The following CEP162 variants were observed in gnomAD, a reference collection of about 807,000 sequenced individuals.
CEP162 encodes the protein centrosomal protein of 162 kDa.
A neutral mutation model predicts 169.2 loss-of-function variants in CEP162; 141 were observed. The ratio of observed to expected loss-of-function variants is 0.83; its 90% CI spans 0.73 to 0.96. CEP162 has a LOEUF of 0.96. CEP162 is among the 40% of genes least tolerant of loss of function. CEP162 has a pLI of 0.00. For missense variants in CEP162, 1,600 were observed against 1,587.2 expected (o/e 1.01, Z -0.14); for synonymous variants, 540 against 526.4 (o/e 1.03, Z -0.35).
chr6:84,214,074 C>T (rs1030120590), intron 5 of CEP162, among the ~76,000 whole-genome samples: 5 of 152,060 alleles, frequency 3.3e-5, no homozygotes, highest in South Asian at 2.1e-4. Flanking sequence ...GTCAGGAGAT[C>T]GAGACCATCC....
rs776114810 is a variant in CEP162, at chr6:84,161,901, A to G, written c.2521T>C (p.Leu841=). Residue 841 remains leucine, a synonymous_variant, in exon 20 of 27, where the codon TTA becomes CTA. Coordinates refer to ENST00000403245, the MANE Select transcript of CEP162 (RefSeq NM_014895.4). ...TCTTCTAAAATTTTTATTTCATATA[A>G]TTTCTCACCTATAAGATACAGTAAC... ...DQIAYVTGEK[L]YEIKILEETH... 1 of 1,518,792 alleles carries G rather than the reference A, an allele frequency of 6.6e-7. No individual in the cohort carries two copies. The highest frequency in any genetic ancestry group is 1.2e-5 in the South Asian group (1 of 83,200). The allele number at this position is 1,518,792 out of a possible 1,614,324, so 94.1% of individuals were successfully genotyped here.
At chr6:84,161,608 TA>T in intron 20 of CEP162, 137 bp downstream of exon 20, 1 of 705,782 alleles carries the variant, frequency 1.4e-6, no homozygotes, top group South Asian at 1.9e-5. Context: ...ACTATATATC[TA>T]AAAGCAAACC....
rs1562019936 is a variant in CEP162, at chr6:84,154,324, CTATCT to C, written c.2994+969_2994+973del. On this transcript the variant is annotated intron_variant, in intron 22 of 26. Transcript: ENST00000403245. ...CATGTTATCAGGGATATCTATCTAT[CTATCT>C]ATCTGTCTGTCTGTCTGTCTGTCTG... Among the ~76,000 whole-genome samples, 1,114 of 137,568 alleles carry C rather than the reference CTATCT, an allele frequency of 8.1e-3. 18 individuals carry two copies. The highest frequency in any genetic ancestry group is 0.036 in the African/African-American group (1,052 of 29,450). 90.2% of individuals were successfully genotyped at this position (137,568 alleles called of 152,430 possible).
Position 84,215,917 on chromosome 6 carries a change from G to T in CEP162, c.178C>A (p.Leu60Ile). 6.4e-7 allele frequency: 1 copy of T among 1,562,742 alleles called. No individual in the cohort carries two copies. Among genetic ancestry groups the T allele is most frequent in the East Asian group, 2.3e-5 (1 of 43,288 alleles). The change falls in exon 4 of 27, where the codon CTT becomes ATT. Residue 60 changes from leucine to isoleucine, a missense_variant. Transcript: ENST00000403245. Reference protein sequence around the residue: ...TEDDFKDDGLLGTNVSYLKTK... With the variant: ...TEDDFKDDGLIGTNVSYLKTK... ...TTCAAATAGCTCACATTTGTTCCAA[G>T]AAGTCCTAGGTACACAATTTAATAC... is the stretch of plus-strand genomic sequence containing the variant.
At chr6:84,196,963 G>A (rs539401799) in intron 9 of CEP162, among the ~76,000 whole-genome samples, 97 of 152,248 alleles carry the variant, frequency 6.4e-4, no homozygotes, top group African/African-American at 2.2e-3. Flanking sequence ...GAGGACATGA[G>A]GAAAAAGGTC....
chr6:84,201,598 T>C (rs2099544544), intron 8 of CEP162, 139 bp downstream of exon 8: 1 of 574,704 alleles, frequency 1.7e-6, no homozygotes, highest in African/African-American at 2.0e-5. Context: ...AAACACATTA[T>C]TGAGAAAAGC....
At chr6:84,161,667 G>T in intron 20 of CEP162, 79 bp downstream of exon 20, 6 of 1,028,698 alleles carry the variant, frequency 5.8e-6, no homozygotes, top group African/African-American at 1.6e-5. Context: ...ATGATGCAAT[G>T]ACAAAAGGTT....
At chr6:84,158,045 C>T (rs939379681) in intron 21 of CEP162, among the ~76,000 whole-genome samples, 1 of 152,130 alleles carries the variant, frequency 6.6e-6, no homozygotes, top group East Asian at 1.9e-4. Flanking sequence ...AAGAAACACA[C>T]CAGGGTCCAC....
intron 10 of CEP162, among the ~76,000 whole-genome samples, chr6:84,194,660 C>T (rs1438716167): frequency 6.6e-6 from 1 of 151,816 alleles, no homozygotes; most frequent in East Asian, 1.9e-4. Context: ...CACCATGTTG[C>T]CCAGGATGGT....
rs574956888 is a variant in CEP162 at position 84,124,359 on chromosome 6, A to G, written c.*711T>C. On this transcript the variant is annotated 3_prime_UTR_variant, in exon 27 of 27. Coordinates refer to ENST00000403245, the MANE Select transcript of CEP162 (RefSeq NM_014895.4). The stretch of plus-strand genomic sequence containing the variant: ...GATAAAGAAAACGTGAGATATATAT[A>G]GAGAGAGATATATAAATGGAGTATT... 3.3e-4 allele frequency: 50 copies of G among 152,370 alleles called. No homozygotes were observed. Among genetic ancestry groups the G allele is most frequent in the African/African-American group, 1.2e-3 (48 of 41,578 alleles). 9.4% of individuals were successfully genotyped at this position (152,370 alleles called of 1,614,324 possible). A position where few individuals can be genotyped will look rare whatever the true frequency, so the allele number is the denominator to read the frequency against.
chr6:84,137,457 G>C (rs2099514657), intron 25 of CEP162, among the ~76,000 whole-genome samples: 1 of 152,022 alleles, frequency 6.6e-6, no homozygotes, highest in Non-Finnish European at 1.5e-5. Flanking sequence ...ATTCTTATGA[G>C]TGGGCCACAA....
chr6:84,179,974 A>C (rs919652790), intron 13 of CEP162, among the ~76,000 whole-genome samples: 1 of 152,158 alleles, frequency 6.6e-6, no homozygotes, highest in Non-Finnish European at 1.5e-5. Context: ...AAAAGAGGGA[A>C]TCTTCCCTAA....
intron 25 of CEP162, among the ~76,000 whole-genome samples, chr6:84,133,806 C>A (rs897091920): frequency 6.6e-6 from 1 of 152,156 alleles, no homozygotes; most frequent in Non-Finnish European, 1.5e-5. Flanking sequence ...AGACCCCTTG[C>A]GCTTCCTGGG....
intron 6 of CEP162, among the ~76,000 whole-genome samples, chr6:84,207,178 G>GAA (rs2127740184): frequency 6.6e-6 from 1 of 152,284 alleles, no homozygotes; most frequent in East Asian, 1.9e-4. Context: ...CAAGGATCTA[G>GAA]AACTAGAAAT....
rs1473964402 is a variant in CEP162, at chr6:84,163,164, T to C, written c.2492A>G (p.Asp831Gly). Residue 831 changes from aspartate (D) to glycine (G), a missense_variant, in exon 19 of 27, where the codon GAT becomes GGT. By Grantham distance (94) the Asp-to-Gly change is moderately conservative (BLOSUM62 -1). Transcript: ENST00000403245. ...KMKKERDQAK[D>G]QIAYVTGEKL... ...TTTACCTGTGACATAAGCAATCTGA[T>C]CTTTGGCTTGGTCCCTCTCTTTCTT... 4 of 1,613,346 alleles carry C rather than the reference T, an allele frequency of 2.5e-6. No individual in the cohort carries two copies. In the African/African-American group the frequency reaches 4.0e-5, roughly 16 times the overall value.
At chr6:84,202,579 G>A (rs1189106738) in intron 7 of CEP162, among the ~76,000 whole-genome samples, 1 of 130,536 alleles carries the variant, frequency 7.7e-6, no homozygotes, top group Non-Finnish European at 1.5e-5. Context: ...CCAGGCTGGA[G>A]TGCAGTGGCT....
rs574089205 is a variant in CEP162 at position 84,148,973 on chromosome 6, A to G, written c.3771+589T>C. 5.9e-5 allele frequency among the ~76,000 whole-genome samples: 9 copies of G among 152,202 alleles called. No homozygotes were observed. The South Asian group carries it at 1.9e-3, about 32-fold the overall frequency. On this transcript the variant is annotated intron_variant, in intron 24 of 26. Coordinates refer to ENST00000403245, the MANE Select transcript of CEP162 (RefSeq NM_014895.4). Reference sequence around the variant, plus strand: ...ATAGATATTCTAAGTAGATATACCTATTTTTCAAAAAGGAAGACACATTTA... The same window carrying G: ...ATAGATATTCTAAGTAGATATACCTGTTTTTCAAAAAGGAAGACACATTTA...
At chr6:84,176,780 G>A (rs979571651) in intron 13 of CEP162, among the ~76,000 whole-genome samples, 2 of 151,988 alleles carry the variant, frequency 1.3e-5, no homozygotes, top group African/African-American at 2.4e-5. Flanking sequence ...CCTATCACAT[G>A]TTCTTGTTCA....
chr6:84,205,541 A>G (rs1281012308), intron 6 of CEP162, among the ~76,000 whole-genome samples: 1 of 152,226 alleles, frequency 6.6e-6, no homozygotes, highest in East Asian at 1.9e-4. Flanking sequence ...AAAAACTCTT[A>G]ATAAACTAGG....
Sources: allele counts gnomAD v4.1 joint callset (sites outside exome capture counted in the v4.1 genomes callset), GRCh38; gene constraint gnomAD v4.1.1; transcripts MANE v1.5; gene names NCBI Gene and HGNC (gene_info 2026-07-23, HGNC 2026-07-21).